Variants in SVOPL observed in about 807,000 individuals in gnomAD.
SVOPL encodes the protein SVOP like.
SVOPL carries 60 observed loss-of-function variants against 61.0 expected under a neutral mutation model. The ratio of observed to expected loss-of-function variants is 0.98; its 90% CI spans 0.80 to 1.22. The LOEUF is 1.22. SVOPL is among the 50% of genes most tolerant of loss of function. The probability of loss-of-function intolerance (pLI) is 0.00; values close to 1 mark genes in which losing one functional copy is unlikely to be tolerated. For synonymous variants in SVOPL, 279 were observed against 250.0 expected, an observed-to-expected ratio of 1.12 and a Z score of -1.09; for missense variants, 662 against 643.9, an observed-to-expected ratio of 1.03 and a Z score of -0.30.
chr7:138,681,172 A>G (rs536257503), intron 1 of SVOPL, among the ~76,000 whole-genome samples: 19 of 148,786 alleles, frequency 1.3e-4, no homozygotes, highest in African/African-American at 4.2e-4. Flanking sequence ...TATATAACAT[A>G]TAATATTAAC....
At chr7:138,653,539 T>C (rs78261551) in intron 7 of SVOPL, among the ~76,000 whole-genome samples, 2,288 of 152,242 alleles carry the variant, frequency 0.015, 57 homozygotes, top group African/African-American at 0.051. Flanking sequence ...CAGTGCCTCT[T>C]ACCTGTAATT....
At chr7:138,596,799 A>T in intron 14 of SVOPL, 1 of 1,137,312 alleles carries the variant, frequency 8.8e-7, no homozygotes, top group Admixed American at 4.3e-5. Flanking sequence ...TCCAGAGCCA[A>T]GTTTTGATAT....
intron 1 of SVOPL, among the ~76,000 whole-genome samples, chr7:138,693,866 G>A (rs1012930436): frequency 3.3e-5 from 5 of 152,102 alleles, no homozygotes; most frequent in Admixed American, 6.5e-5. Flanking sequence ...AAAACAATAT[G>A]AAACTTACAT....
intron 9 of SVOPL, among the ~76,000 whole-genome samples, chr7:138,632,185 A>G (rs1220094351): frequency 6.6e-6 from 1 of 152,124 alleles, no homozygotes; most frequent in African/African-American, 2.4e-5. Context: ...TGATCCCAGA[A>G]CTTTGGGAGG....
chr7:138,628,066 C>T (rs1006992531), intron 11 of SVOPL, 92 bp downstream of exon 11: 23 of 1,397,092 alleles, frequency 1.6e-5, no homozygotes, highest in African/African-American at 5.6e-5. Context: ...TAGGCAGGAG[C>T]GGTGTCACAG....
intron 3 of SVOPL, among the ~76,000 whole-genome samples, chr7:138,674,647 G>C (rs1205813093): frequency 6.6e-6 from 1 of 151,316 alleles, no homozygotes. Flanking sequence ...ATGAGGTCAG[G>C]AGATCGAGAC....
At position 138,677,058 on chromosome 7, in the gene SVOPL, C is replaced by T. The variant is rs550112361; in HGVS notation, c.174+1376G>A. Among the ~76,000 whole-genome samples, 290 of 152,200 alleles carry T rather than the reference C, an allele frequency of 1.9e-3. 1 individual carries two copies. The highest frequency in any genetic ancestry group is 6.6e-3 in the African/African-American group (275 of 41,528). On this transcript the variant is annotated intron_variant, in intron 3 of 15. Coordinates refer to ENST00000674285, the MANE Select transcript of SVOPL (RefSeq NM_001139456.2). ...AGCTGGGACTACAGGCGCCCGCCAC[C>T]ATGCCCGTCTCATTTTTTTGTATTT...
intron 9 of SVOPL, among the ~76,000 whole-genome samples, chr7:138,631,960 T>TCTCTCTCACA (rs935815206): frequency 6.8e-6 from 1 of 146,966 alleles, no homozygotes; most frequent in African/African-American, 2.5e-5. Flanking sequence ...TGCTCTGATA[T>TCTCTCTCACA]CACACACACA....
chr7:138,641,118 G>A (rs139488019), intron 9 of SVOPL, among the ~76,000 whole-genome samples: 7 of 151,800 alleles, frequency 4.6e-5, no homozygotes, highest in African/African-American at 7.2e-5. Flanking sequence ...TAGGAGGATC[G>A]AGCCTGGAAG....
chr7:138,685,228 G>T (rs1397663262), intron 1 of SVOPL, among the ~76,000 whole-genome samples: 1 of 152,050 alleles, frequency 6.6e-6, no homozygotes, highest in African/African-American at 2.4e-5. Flanking sequence ...CACTGTGCCC[G>T]GCCACAATGG....
intron 7 of SVOPL, among the ~76,000 whole-genome samples, chr7:138,654,426 T>A (rs1801599951): frequency 6.6e-6 from 1 of 152,292 alleles, no homozygotes; most frequent in African/African-American, 2.4e-5. Context: ...TAATCTATTC[T>A]GTTTGTTCTC....
intron 1 of SVOPL, among the ~76,000 whole-genome samples, chr7:138,698,280 G>A (rs1033150634): frequency 3.9e-5 from 6 of 152,172 alleles, no homozygotes; most frequent in Admixed American, 2.0e-4. Flanking sequence ...ACCTGCCGGT[G>A]GGAGAAATTG....
intron 14 of SVOPL, among the ~76,000 whole-genome samples, chr7:138,610,084 A>T (rs1008655217): frequency 1.3e-5 from 2 of 152,272 alleles, no homozygotes; most frequent in Admixed American, 1.3e-4. Flanking sequence ...GATGTTCAAT[A>T]ATACAGAACT....
intron 9 of SVOPL, among the ~76,000 whole-genome samples, chr7:138,642,594 A>C (rs1800867367): frequency 6.6e-6 from 1 of 151,954 alleles, no homozygotes; most frequent in Non-Finnish European, 1.5e-5. Context: ...TGGGAGCCTG[A>C]GGTGGGCAGA....
intron 13 of SVOPL, among the ~76,000 whole-genome samples, chr7:138,621,818 CTATG>C (rs199900402): frequency 0.41 from 28,603 of 70,600 alleles, 4,347 homozygotes; most frequent in Non-Finnish European, 0.43. Flanking sequence ...ATCTATGTAT[CTATG>C]TATCTATGTA....
At chr7:138,620,982 T>C in intron 14 of SVOPL, 64 bp downstream of exon 14, 2 of 1,431,994 alleles carry the variant, frequency 1.4e-6, no homozygotes, top group Non-Finnish European at 1.9e-6. Context: ...AATCTGAAGG[T>C]CCCTGGGTTC....
At position 138,669,445 on chromosome 7, in the gene SVOPL, C is replaced by T. The variant is rs147740587; in HGVS notation, c.273+2574G>A. On this transcript the variant is annotated intron_variant, in intron 4 of 15. Transcript: ENST00000674285. The stretch of plus-strand genomic sequence containing the variant: ...ACAATGACAACAAAAAAAAAGGGAA[C>T]GCAATTATCTTAAACCTGCTCCCTA... Among the ~76,000 whole-genome samples the T allele has an allele frequency of 1.9e-3, 295 of 152,222 alleles. 1 individual carries two copies. Among genetic ancestry groups the T allele is most frequent in the African/African-American group, 6.7e-3 (279 of 41,548 alleles).
At chr7:138,612,767 G>A (rs1194450584) in intron 14 of SVOPL, among the ~76,000 whole-genome samples, 2 of 151,898 alleles carry the variant, frequency 1.3e-5, no homozygotes, top group African/African-American at 2.4e-5. Context: ...AATCAGCCTC[G>A]GCCTCCCAAA....
At chr7:138,629,359 T>G (rs1800065568) in intron 10 of SVOPL, among the ~76,000 whole-genome samples, 2 of 151,870 alleles carry the variant, frequency 1.3e-5, no homozygotes, top group South Asian at 4.2e-4. Context: ...GCCTCCCAAG[T>G]AGCTGGGATT....
Sources: allele counts gnomAD v4.1 joint callset (sites outside exome capture counted in the v4.1 genomes callset), GRCh38; gene constraint gnomAD v4.1.1; transcripts MANE v1.5; gene names NCBI Gene and HGNC (gene_info 2026-07-23, HGNC 2026-07-21).